The following AFF3 variants were observed in gnomAD, a reference collection of about 807,000 sequenced individuals.
The protein encoded by AFF3 is AF4/FMR2 family member 3.
A neutral mutation model predicts 129.7 loss-of-function variants in AFF3; 32 were observed. The observed-to-expected ratio is 0.25, with a 90% confidence interval of 0.19 to 0.33. The LOEUF (loss-of-function observed/expected upper bound fraction) is 0.33. Among genes scored for constraint, AFF3 ranks in the 10% least tolerant of loss-of-function variants. The pLI is 1.00. For synonymous variants in AFF3, 644 were observed against 635.4 expected, an observed-to-expected ratio of 1.01 and a Z score of -0.20; for missense variants, 1,373 against 1,592.0, an observed-to-expected ratio of 0.86 and a Z score of 2.34.
At chr2:100,086,624 C>G (rs1202246324) in intron 4 of AFF3, among the ~76,000 whole-genome samples, 2 of 152,132 alleles carry the variant, frequency 1.3e-5, no homozygotes, top group African/African-American at 4.8e-5. Context: ...GTGGGGTGAT[C>G]CAGGTAACAA....
chr2:99,758,863 T>G lies in AFF3; in HGVS notation c.922-6562A>C, dbSNP rs113259840. On this transcript the variant is annotated intron_variant, in intron 8 of 24. Coordinates refer to ENST00000672756, the MANE Select transcript of AFF3 (RefSeq NM_001386135.1). ...CTCTTTACTCCCAGTCCAGTATTTG[T>G]TTTCCAATCTATTGAATTTACCCTC... Among the ~76,000 whole-genome samples the G allele has an allele frequency of 4.5e-3, 680 of 152,272 alleles. 3 individuals are homozygous for G. The highest frequency in any genetic ancestry group is 0.016 in the African/African-American group (645 of 41,562).
chr2:99,982,268 C>T (rs904442030), intron 7 of AFF3, among the ~76,000 whole-genome samples: 4 of 152,236 alleles, frequency 2.6e-5, no homozygotes, highest in Admixed American at 1.3e-4. Flanking sequence ...TTTCCCGTGC[C>T]GTTCTCGTGA....
At chr2:99,910,356 T>A (rs1364070556) in intron 7 of AFF3, among the ~76,000 whole-genome samples, 1 of 152,230 alleles carries the variant, frequency 6.6e-6, no homozygotes, top group Non-Finnish European at 1.5e-5. Flanking sequence ...TAGACTTGAT[T>A]AATAATATAC....
At chr2:100,084,396 A>T (rs532228579) in intron 4 of AFF3, among the ~76,000 whole-genome samples, 1 of 152,360 alleles carries the variant, frequency 6.6e-6, no homozygotes, top group South Asian at 2.1e-4. Flanking sequence ...GACAAAATAG[A>T]GCTATCCACA....
In AFF3 at chr2:99,805,586, T is replaced by C. The variant is rs79999743; in HGVS notation, c.921+31891A>G. Among the ~76,000 whole-genome samples the C allele has an allele frequency of 5.3e-3, 809 of 152,256 alleles. 6 individuals carry two copies. The highest frequency in any genetic ancestry group is 0.019 in the African/African-American group (770 of 41,544). ...CCTCATCATGTAAACCAGAAGTCAA[T>C]TATTGATTTTTCTGACCACAATCAA... On this transcript the variant is annotated intron_variant, in intron 8 of 24. Transcript: ENST00000672756.
chr2:100,078,048 T>A (rs1688727773), intron 4 of AFF3, among the ~76,000 whole-genome samples: 1 of 152,142 alleles, frequency 6.6e-6, no homozygotes, highest in South Asian at 2.1e-4. Flanking sequence ...CTTGGCAAAT[T>A]TTCCTTTAAA....
intron 2 of AFF3, among the ~76,000 whole-genome samples, chr2:100,126,324 T>C (rs965969321): frequency 2.0e-5 from 3 of 152,196 alleles, no homozygotes; most frequent in Non-Finnish European, 4.4e-5. Flanking sequence ...TTTACTGGGC[T>C]CTCAGGAGCA....
At chr2:99,908,896 C>T (rs1694914652) in intron 7 of AFF3, among the ~76,000 whole-genome samples, 1 of 152,158 alleles carries the variant, frequency 6.6e-6, no homozygotes, top group Non-Finnish European at 1.5e-5. Flanking sequence ...ACTAGTTCAA[C>T]CATTGTGGAA....
chr2:100,130,436 ATGAGATGCCAATGCATTTG>A (rs1692380129), intron 1 of AFF3, among the ~76,000 whole-genome samples: 1 of 152,234 alleles, frequency 6.6e-6, no homozygotes, highest in Admixed American at 6.5e-5. Context: ...ACAGGGCTCG[ATGAGATGCCAATGCATTTG>A]TGAGAATTAG....
chr2:99,588,643 C>T (rs1224153469), intron 15 of AFF3, among the ~76,000 whole-genome samples: 2 of 152,244 alleles, frequency 1.3e-5, no homozygotes, highest in South Asian at 4.1e-4. Flanking sequence ...CTTTCTCGCT[C>T]TGGCTGGGAT....
intron 12 of AFF3, among the ~76,000 whole-genome samples, chr2:99,665,227 T>C (rs1686575130): frequency 6.6e-6 from 1 of 152,230 alleles, no homozygotes; most frequent in South Asian, 2.1e-4. Flanking sequence ...GACCAAGGAA[T>C]TACTTGATCT....
At chr2:99,628,492 G>T (rs546130401) in intron 13 of AFF3, among the ~76,000 whole-genome samples, 2 of 151,982 alleles carry the variant, frequency 1.3e-5, no homozygotes, top group Non-Finnish European at 2.9e-5. Flanking sequence ...ATACAGGATC[G>T]TGTCATCTGC....
chr2:100,095,960 G>A (rs1690249273), intron 4 of AFF3, among the ~76,000 whole-genome samples: 1 of 152,084 alleles, frequency 6.6e-6, no homozygotes, highest in African/African-American at 2.4e-5. Flanking sequence ...AACCTACTAT[G>A]GGTTCCACGT....
intron 7 of AFF3, among the ~76,000 whole-genome samples, chr2:99,954,570 G>C (rs906135608): frequency 3.3e-5 from 5 of 151,910 alleles, no homozygotes; most frequent in Non-Finnish European, 7.4e-5. Flanking sequence ...ATACACCATG[G>C]AATACTATGC....
intron 7 of AFF3, among the ~76,000 whole-genome samples, chr2:99,961,350 T>G (rs1383570223): frequency 6.6e-6 from 1 of 152,206 alleles, no homozygotes; most frequent in Non-Finnish European, 1.5e-5. Context: ...TATTAATTGC[T>G]CAAGTCAGGC....
At chr2:99,733,346 C>A (rs1166615080) in intron 10 of AFF3, among the ~76,000 whole-genome samples, 1 of 148,758 alleles carries the variant, frequency 6.7e-6, no homozygotes, top group African/African-American at 2.5e-5. Context: ...CGCCACTGCA[C>A]TCCAGCCTGG....
intron 4 of AFF3, among the ~76,000 whole-genome samples, chr2:100,076,854 T>C (rs979781804): frequency 6.6e-6 from 1 of 152,210 alleles, no homozygotes; most frequent in Non-Finnish European, 1.5e-5. Flanking sequence ...GTATGTGCAG[T>C]AAGTAGAAGA....
chr2:99,637,754 T>C (rs1683803059), intron 13 of AFF3, among the ~76,000 whole-genome samples: 1 of 152,216 alleles, frequency 6.6e-6, no homozygotes. Context: ...CTGAAAACTA[T>C]GCTAATTAAG....
intron 7 of AFF3, among the ~76,000 whole-genome samples, chr2:99,969,002 A>G (rs1678071539): frequency 6.6e-6 from 1 of 152,218 alleles, no homozygotes; most frequent in African/African-American, 2.4e-5. Flanking sequence ...CTGCAGAAAG[A>G]GCACAGCAGG....
Sources: allele counts gnomAD v4.1 joint callset (sites outside exome capture counted in the v4.1 genomes callset), GRCh38; gene constraint gnomAD v4.1.1; transcripts MANE v1.5; gene names NCBI Gene and HGNC (gene_info 2026-07-23, HGNC 2026-07-21).